MAP4: variants seen among roughly 807,000 people sequenced by gnomAD.
MAP4 encodes the protein microtubule-associated protein 4.
A neutral mutation model predicts 170.2 loss-of-function variants in MAP4; 76 were observed. The ratio of observed to expected loss-of-function variants is 0.45; its 90% CI spans 0.37 to 0.54. The LOEUF is 0.54. MAP4 is among the 20% of genes least tolerant of loss of function. MAP4 has a pLI of 0.00. For missense variants in MAP4, 2,506 were observed against 2,748.0 expected, an observed-to-expected ratio of 0.91 and a Z score of 1.97; for synonymous variants, 909 against 994.5, an observed-to-expected ratio of 0.91 and a Z score of 1.62.
intron 17 of MAP4, among the ~76,000 whole-genome samples, chr3:47,861,712 A>G (rs941788903): frequency 6.6e-6 from 1 of 152,050 alleles, no homozygotes; most frequent in Non-Finnish European, 1.5e-5. Flanking sequence ...CCCAAAAGTT[A>G]GCAGGGCATG....
chr3:48,072,694 G>A (rs535345159), intron 1 of MAP4, among the ~76,000 whole-genome samples: 66 of 152,242 alleles, frequency 4.3e-4, no homozygotes, highest in Non-Finnish European at 7.4e-4. Flanking sequence ...AGAGACAAAC[G>A]TGAGAATTGC....
intron 3 of MAP4, among the ~76,000 whole-genome samples, chr3:47,957,913 T>C (rs556179757): frequency 9.3e-4 from 142 of 152,304 alleles, no homozygotes; most frequent in African/African-American, 3.2e-3. Flanking sequence ...CACTATTATA[T>C]CTAGCAATCA....
chr3:48,031,782 C>T (rs551337948), intron 1 of MAP4, among the ~76,000 whole-genome samples: 38 of 152,200 alleles, frequency 2.5e-4, no homozygotes, highest in Middle Eastern at 3.4e-3. Context: ...ATTTGGGAAG[C>T]TGAGTTGAGA....
chr3:47,936,206 G>T (rs2100052711), intron 3 of MAP4, among the ~76,000 whole-genome samples: 1 of 151,710 alleles, frequency 6.6e-6, no homozygotes, highest in Non-Finnish European at 1.5e-5. Context: ...AGGCTGAGGT[G>T]GTGGATCACT....
intron 2 of MAP4, among the ~76,000 whole-genome samples, chr3:47,996,737 GACACACACACACACACACAC>G (rs57673370): frequency 6.8e-6 from 1 of 146,434 alleles, no homozygotes; most frequent in Non-Finnish European, 1.5e-5. Flanking sequence ...CAAAAACTAA[GACACACACACACACACACAC>G]ACACACACAC....
rs1172406536 is a variant in MAP4, at chr3:47,851,021, G to A, written c.*1913C>T. On this transcript the variant is annotated 3_prime_UTR_variant, in exon 21 of 21. Transcript: ENST00000683076. ...AACCTCAGCATCCTCATGACCCCAG[G>A]ACAGACGCAGTGGAGGCAGCAGGTA... 1.3e-5 allele frequency: 2 copies of A among 152,048 alleles called. No homozygotes were observed. The highest frequency in any genetic ancestry group is 2.9e-5 in the Non-Finnish European group (2 of 68,104). The allele number at this position is 152,048 out of a possible 1,614,324, so 9.4% of individuals were successfully genotyped here.
chr3:47,928,457 A>G (rs2100047441), intron 3 of MAP4, 107 bp from the exon 4 acceptor site: 1 of 1,153,584 alleles, frequency 8.7e-7, no homozygotes, highest in Admixed American at 2.3e-5. Flanking sequence ...AAAAAATCCT[A>G]TCTAGCTAGT....
intron 3 of MAP4, among the ~76,000 whole-genome samples, chr3:47,953,734 G>GC (rs36008503): frequency 0.4 from 59,980 of 151,826 alleles, 13,089 homozygotes; most frequent in African/African-American, 0.59. Context: ...CATTAGTGAG[G>GC]TGGGCATGGT....
chr3:47,904,289 C>T (rs2100031649), intron 9 of MAP4, among the ~76,000 whole-genome samples: 1 of 152,048 alleles, frequency 6.6e-6, no homozygotes, highest in African/African-American at 2.4e-5. Context: ...CAAATAAAAT[C>T]AACTCAATAG....
intron 3 of MAP4, chr3:47,973,102 A>C: frequency 1.0e-6 from 1 of 981,176 alleles, no homozygotes; most frequent in South Asian, 4.7e-5. Flanking sequence ...TAAGATGTTT[A>C]TTAGTGGAAT....
intron 1 of MAP4, among the ~76,000 whole-genome samples, chr3:48,056,501 C>T (rs1346759279): frequency 2.5e-5 from 2 of 78,686 alleles, no homozygotes; most frequent in Non-Finnish European, 5.1e-5. Context: ...GGGGGTCAGC[C>T]CTCCCCCCGG....
In MAP4 at chr3:47,983,397, T is replaced by A. The variant is rs1217902399; in HGVS notation, c.224-5464A>T. Among the ~76,000 whole-genome samples the A allele has an allele frequency of 4.0e-5, 6 of 151,842 alleles. No individual in the cohort carries two copies. In the East Asian group the frequency reaches 5.8e-4, roughly 15 times the overall value. On this transcript the variant is annotated intron_variant, in intron 2 of 20. Transcript: ENST00000683076. ...GCTTATTTATTTATTTATTTATTTA[T>A]TTAATTTGAGACTGAGTCTCCCTCT...
chr3:47,909,982 T>C lies in MAP4; in HGVS notation c.4439A>G (p.Asp1480Gly). ...PAQISKSLMV[D>G]NYTKDGVPGQ... ...TGGGACTCCATCTTTGGTGTAGTTA[T>C]CTACCATTAATGATTTGGAAATCTG... is the stretch of plus-strand genomic sequence containing the variant. Residue 1480 changes from aspartate (D) to glycine (G), a missense_variant, in exon 9 of 21, where the codon GAT becomes GGT. By Grantham distance (94) the Asp-to-Gly change is moderately conservative. Transcript: ENST00000683076. 1 of 1,614,020 alleles carries C rather than the reference T, an allele frequency of 6.2e-7. No individual in the cohort carries two copies. The highest frequency in any genetic ancestry group is 1.1e-5 in the South Asian group (1 of 91,086).
At chr3:47,939,082 G>A (rs2100054766) in intron 3 of MAP4, among the ~76,000 whole-genome samples, 1 of 152,116 alleles carries the variant, frequency 6.6e-6, no homozygotes, top group Non-Finnish European at 1.5e-5. Flanking sequence ...CTGTGCCTTT[G>A]CTCATGAGAT....
At chr3:47,991,185 C>T (rs886143581) in intron 2 of MAP4, among the ~76,000 whole-genome samples, 7 of 152,162 alleles carry the variant, frequency 4.6e-5, no homozygotes, top group African/African-American at 1.7e-4. Flanking sequence ...AGCAACCCTG[C>T]TTTCTTACTT....
At chr3:47,927,795 G>C (rs943211706) in intron 4 of MAP4, among the ~76,000 whole-genome samples, 1 of 152,160 alleles carries the variant, frequency 6.6e-6, no homozygotes, top group East Asian at 1.9e-4. Context: ...TTTATAGAAA[G>C]TGGGTATGAA....
At chr3:47,900,470 T>C (rs2100029406) in intron 10 of MAP4, among the ~76,000 whole-genome samples, 1 of 152,188 alleles carries the variant, frequency 6.6e-6, no homozygotes, top group African/African-American at 2.4e-5. Context: ...CCGGGCATGG[T>C]AGCTAAGGCC....
chr3:47,882,482 G>A (rs1418190541), intron 10 of MAP4, among the ~76,000 whole-genome samples: 1 of 150,616 alleles, frequency 6.6e-6, no homozygotes, highest in East Asian at 1.9e-4. Context: ...AAGGTTACCT[G>A]AACATTTCTT....
intron 1 of MAP4, among the ~76,000 whole-genome samples, chr3:48,056,850 G>C (rs2100132179): frequency 9.0e-6 from 1 of 111,328 alleles, no homozygotes; most frequent in Non-Finnish European, 1.9e-5. Flanking sequence ...TGGGGGGGGG[G>C]TCAGCCCCCC....
Sources: allele counts gnomAD v4.1 joint callset (sites outside exome capture counted in the v4.1 genomes callset), GRCh38; gene constraint gnomAD v4.1.1; transcripts MANE v1.5; gene names NCBI Gene and HGNC (gene_info 2026-07-23, HGNC 2026-07-21).